FEV: variants seen among roughly 807,000 people sequenced by gnomAD.
The protein encoded by FEV is protein FEV.
Under a neutral mutation model 20.5 loss-of-function variants are expected in FEV, and 14 were observed. That is an observed-to-expected ratio of 0.68 (90% confidence interval 0.45 to 1.07). FEV has a LOEUF of 1.07. FEV is among the 50% of genes least tolerant of loss of function. The probability of loss-of-function intolerance (pLI) is 0.00; values close to 1 mark genes in which losing one functional copy is unlikely to be tolerated. For synonymous variants in FEV, 188 were observed against 163.7 expected, an observed-to-expected ratio of 1.15 and a Z score of -1.13; for missense variants, 301 against 345.3, an observed-to-expected ratio of 0.87 and a Z score of 1.02.
In FEV at chr2:218,982,047, T is replaced by C. The variant is rs748458463; in HGVS notation, c.337A>G (p.Ile113Val). 3 of 1,613,790 alleles carry C rather than the reference T, an allele frequency of 1.9e-6. No individual in the cohort carries two copies. The highest frequency in any genetic ancestry group is 2.5e-6 in the Non-Finnish European group (3 of 1,179,840). Reference sequence around the variant, plus strand: ...CGCTTGCCATGCACCTTGCTCATGATGTTCTTGTCGTAGTAGTAGCGCAGG... The same window carrying C: ...CGCTTGCCATGCACCTTGCTCATGACGTTCTTGTCGTAGTAGTAGCGCAGG... Reference protein sequence around the residue: ...RALRYYYDKNIMSKVHGKRYA... With the variant: ...RALRYYYDKNVMSKVHGKRYA... The change falls in exon 3 of 3, where the codon ATC becomes GTC. Residue 113 changes from isoleucine (I) to valine (V), a missense_variant. Physicochemically the swap from Ile to Val is conservative, Grantham distance 29. Transcript: ENST00000295727.
In FEV at chr2:218,981,710, C is replaced by T; in HGVS notation, c.674G>A (p.Gly225Glu). 1 of 1,341,128 alleles carries T rather than the reference C, an allele frequency of 7.5e-7. No homozygotes were observed. Among genetic ancestry groups the T allele is most frequent in the Non-Finnish European group, 9.5e-7 (1 of 1,052,624 alleles). The allele number at this position is 1,341,128 out of a possible 1,614,324, so 83.1% of individuals were successfully genotyped here. ...PSLQPPPGPF[G>E]AVAAASHLGG... ...CAAGTGCGAGGCTGCGGCCACGGCC[C>T]CGAAGGGCCCGGGCGGGGGCTGCAA... Residue 225 changes from glycine (G) to glutamate (E), a missense_variant, in exon 3 of 3, where the codon GGG (glycine) becomes GAG (glutamate). Physicochemically the swap from Gly to Glu is moderately conservative, Grantham distance 98 (BLOSUM62 -2). Transcript: ENST00000295727. The surrounding 1 kb of genome is among the most constrained non-coding windows in gnomAD (Gnocchi z 4.5).
rs1054935913 is a variant in FEV, at chr2:218,984,430, G to A, written c.53-125C>T. The A allele has an allele frequency of 1.1e-6, 1 of 885,146 alleles. No individual in the cohort carries two copies. The highest frequency in any genetic ancestry group is 1.7e-6 in the Non-Finnish European group (1 of 599,288). 54.8% of individuals were successfully genotyped at this position (885,146 alleles called of 1,614,324 possible). ...CCCAGGCGCGAGGCTGGGGGCCCGG[G>A]CCACCCGGCTCCTCCTCCCGGAGCC... On this transcript the variant is annotated intron_variant, in intron 1 of 2. Coordinates refer to ENST00000295727, the MANE Select transcript of FEV (RefSeq NM_017521.3). This position sits in a 1 kb window ranked among gnomAD's most constrained non-coding sequence, Gnocchi z 5.0.
In FEV at chr2:218,982,141, G is replaced by T; in HGVS notation, c.243C>A (p.Asp81Glu). Residue 81 changes from aspartate to glutamate, a missense_variant, in exon 3 of 3, where the codon GAC becomes GAA. Coordinates refer to ENST00000295727, the MANE Select transcript of FEV (RefSeq NM_017521.3). ...GHGEFKLTDP[D>E]EVARRWGERK... is the part of the protein sequence containing the mutation. ...GCTCGCCCCACCGCCGCGCCACCTCGTCCGGGTCCGTGAGCTTGAACTCGC... is the reference window on the plus strand; with the variant it reads ...GCTCGCCCCACCGCCGCGCCACCTCTTCCGGGTCCGTGAGCTTGAACTCGC... 1 of 1,613,516 alleles carries T rather than the reference G, an allele frequency of 6.2e-7. No individual in the cohort carries two copies. Among genetic ancestry groups the T allele is most frequent in the Non-Finnish European group, 8.5e-7 (1 of 1,179,880 alleles).
Position 218,981,674 on chromosome 2 carries a change from T to C in FEV, c.710A>G (p.Tyr237Cys). ...GGCACCCGACCGCCCCGTCTAGTGG[T>C]AATGGCCCCCCAAGTGCGAGGCTGC... ...VAAASHLGGH[Y>C]H The change falls in exon 3 of 3, where the codon TAC (tyrosine) becomes TGC (cysteine). Residue 237 changes from tyrosine to cysteine, a missense_variant. Transcript: ENST00000295727. This position sits in a 1 kb window ranked among gnomAD's most constrained non-coding sequence, Gnocchi z 4.5. 1 of 1,334,394 alleles carries C rather than the reference T, an allele frequency of 7.5e-7. No homozygotes were observed. Among genetic ancestry groups the C allele is most frequent in the Non-Finnish European group, 9.5e-7 (1 of 1,049,182 alleles). 82.7% of individuals were successfully genotyped at this position (1,334,394 alleles called of 1,614,324 possible). A position where few individuals can be genotyped will look rare whatever the true frequency, so the allele number is the denominator to read the frequency against.
rs898246011 is a variant in FEV, at chr2:218,985,079, C to T, written c.-4G>A. ...GGGAGGCGCCGCTCTGTCTCATCGC[C>T]GCCGGGGACTGGGCGGTGGGAGATG... On this transcript the variant is annotated 5_prime_UTR_variant, in exon 1 of 3. Coordinates refer to ENST00000295727, the MANE Select transcript of FEV (RefSeq NM_017521.3). 2.6e-6 allele frequency: 4 copies of T among 1,550,830 alleles called. No homozygotes were observed. The highest frequency in any genetic ancestry group is 2.6e-6 in the Non-Finnish European group (3 of 1,147,130).
At chr2:218,982,929 A>C (rs896012240) in intron 2 of FEV, among the ~76,000 whole-genome samples, 1 of 152,234 alleles carries the variant, frequency 6.6e-6, no homozygotes, top group Non-Finnish European at 1.5e-5. Flanking sequence ...CAGGAGGGGC[A>C]AGCTCTCATG....
Position 218,984,705 on chromosome 2 carries a change from G to C in FEV, c.52+319C>G, listed in dbSNP as rs973596569. Among the ~76,000 whole-genome samples the C allele has an allele frequency of 6.6e-6, 1 of 152,110 alleles. No homozygotes were observed. The highest frequency in any genetic ancestry group is 2.4e-5 in the African/African-American group (1 of 41,426). ...CCCGCGGACCACAGCCTTCTGGTAC[G>C]GCTCGGCCACAGAGTACTCCACCAC... On this transcript the variant is annotated intron_variant, in intron 1 of 2. Coordinates refer to ENST00000295727, the MANE Select transcript of FEV (RefSeq NM_017521.3). The surrounding 1 kb of genome is among the most constrained non-coding windows in gnomAD (Gnocchi z 5.0).
At position 218,984,964 on chromosome 2, in the gene FEV, T is replaced by A; in HGVS notation, c.52+60A>T. On this transcript the variant is annotated intron_variant, in intron 1 of 2. Coordinates refer to ENST00000295727, the MANE Select transcript of FEV (RefSeq NM_017521.3). The surrounding 1 kb of genome is among the most constrained non-coding windows in gnomAD (Gnocchi z 5.0). ...GACCCCAGCACTCTCTTCCCATGCC[T>A]GAGCCTAGACTTCCCGCCCCAGGTT... 1 of 1,461,862 alleles carries A rather than the reference T, an allele frequency of 6.8e-7. No individual in the cohort carries two copies. Among genetic ancestry groups the A allele is most frequent in the Non-Finnish European group, 9.4e-7 (1 of 1,065,762 alleles). 90.6% of individuals were successfully genotyped at this position (1,461,862 alleles called of 1,614,324 possible). A position where few individuals can be genotyped will look rare whatever the true frequency, so the allele number is the denominator to read the frequency against.
Position 218,984,442 on chromosome 2 carries a change from C to T in FEV, c.53-137G>A, listed in dbSNP as rs1257611007. On this transcript the variant is annotated intron_variant, in intron 1 of 2. Transcript: ENST00000295727. The surrounding 1 kb of genome is among the most constrained non-coding windows in gnomAD (Gnocchi z 5.0). Reference sequence around the variant, plus strand: ...GCTGGGGGCCCGGGCCACCCGGCTCCTCCTCCCGGAGCCTGGTCCAGGCGC... The same window carrying T: ...GCTGGGGGCCCGGGCCACCCGGCTCTTCCTCCCGGAGCCTGGTCCAGGCGC... 1.3e-5 allele frequency: 10 copies of T among 773,946 alleles called. No homozygotes were observed. Among genetic ancestry groups the T allele is most frequent in the Non-Finnish European group, 2.0e-5 (10 of 498,924 alleles). The allele number at this position is 773,946 out of a possible 1,614,324, so 47.9% of individuals were successfully genotyped here. A position where few individuals can be genotyped will look rare whatever the true frequency, so the allele number is the denominator to read the frequency against.
chr2:218,982,168 G>A lies in FEV; in HGVS notation c.216C>T (p.His72=). The part of the protein sequence containing the change: ...NAGCIAWEGG[H]GEFKLTDPDE... ...CCGGGTCCGTGAGCTTGAACTCGCC[G>A]TGACCGCCCTCCCACGCGATGCAGC... is the stretch of plus-strand genomic sequence containing the variant. Residue 72 remains histidine, a synonymous_variant, in exon 3 of 3, where the codon CAC becomes CAT. Transcript: ENST00000295727. 1.9e-6 allele frequency: 3 copies of A among 1,613,014 alleles called. No individual in the cohort carries two copies. Among genetic ancestry groups the A allele is most frequent in the Non-Finnish European group, 2.5e-6 (3 of 1,179,730 alleles).
intron 2 of FEV, among the ~76,000 whole-genome samples, chr2:218,982,939 G>A (rs558104038): frequency 5.3e-5 from 8 of 152,378 alleles, no homozygotes; most frequent in African/African-American, 1.7e-4. Flanking sequence ...AAGCTCTCAT[G>A]GGCTCACTAT....
Position 218,985,110 on chromosome 2 carries a change from G to C in FEV, c.-35C>G, listed in dbSNP as rs1450180696. On this transcript the variant is annotated 5_prime_UTR_variant, in exon 1 of 3. Transcript: ENST00000295727. ...GGACTGGGCGGTGGGAGATGGGGGG[G>C]ACGGGGAAGGGGGGCGAGGCAGGCT... 3 of 1,437,302 alleles carry C rather than the reference G, an allele frequency of 2.1e-6. No homozygotes were observed. The highest frequency in any genetic ancestry group is 2.9e-5 in the African/African-American group (2 of 68,910). 89.0% of individuals were successfully genotyped at this position (1,437,302 alleles called of 1,614,324 possible).
chr2:218,982,791 G>A (rs1574487579), intron 2 of FEV, among the ~76,000 whole-genome samples: 1 of 152,222 alleles, frequency 6.6e-6, no homozygotes, highest in East Asian at 1.9e-4. Flanking sequence ...TGCTGGACAA[G>A]GCCCAGCTAG....
Position 218,984,889 on chromosome 2 carries a change from C to T in FEV, c.52+135G>A. ...TAGGTCTCCCCAGTGCCCTACATTA[C>T]AATCGGCCCTCCATGCAACCCGAAT... On this transcript the variant is annotated intron_variant, in intron 1 of 2. Coordinates refer to ENST00000295727, the MANE Select transcript of FEV (RefSeq NM_017521.3). This position sits in a 1 kb window ranked among gnomAD's most constrained non-coding sequence, Gnocchi z 5.0. The T allele has an allele frequency of 2.5e-6, 2 of 798,464 alleles. No homozygotes were observed. Among genetic ancestry groups the T allele is most frequent in the South Asian group, 1.5e-5 (1 of 65,610 alleles). The allele number at this position is 798,464 out of a possible 1,614,324, so 49.5% of individuals were successfully genotyped here.
At chr2:218,982,299 G>T (rs369350686) in intron 2 of FEV, 43 bp from the exon 3 acceptor site, 46 of 1,497,738 alleles carry the variant, frequency 3.1e-5, no homozygotes, top group Non-Finnish European at 3.8e-5. Flanking sequence ...GAGCGGGGAG[G>T]CGGGAACTGG....
At position 218,985,076 on chromosome 2, in the gene FEV, C is replaced by T; in HGVS notation, c.-1G>A. On this transcript the variant is annotated 5_prime_UTR_variant, in exon 1 of 3. Transcript: ENST00000295727. The stretch of plus-strand genomic sequence containing the variant: ...GCTGGGAGGCGCCGCTCTGTCTCAT[C>T]GCCGCCGGGGACTGGGCGGTGGGAG... 2 of 1,552,914 alleles carry T rather than the reference C, an allele frequency of 1.3e-6. No individual in the cohort carries two copies. Among genetic ancestry groups the T allele is most frequent in the Non-Finnish European group, 1.7e-6 (2 of 1,148,334 alleles).
rs183296906 is a variant in FEV, at chr2:218,982,621, T to A, written c.128-365A>T. ...TTTCCAAGGCGAGCAAGGACAGATA[T>A]CCGCCGCCACTCTCCATCTCAGCCG... On this transcript the variant is annotated intron_variant, in intron 2 of 2. Transcript: ENST00000295727. Among the ~76,000 whole-genome samples, 431 of 152,266 alleles carry A rather than the reference T, an allele frequency of 2.8e-3. 1 individual carries two copies. The highest frequency in any genetic ancestry group is 6.8e-3 in the Middle Eastern group (2 of 294).
chr2:218,981,718 C>T lies in FEV; in HGVS notation c.666G>A (p.Gly222=). 1.5e-6 allele frequency: 2 copies of T among 1,335,072 alleles called. No homozygotes were observed. Among genetic ancestry groups the T allele is most frequent in the African/African-American group, 1.5e-5 (1 of 65,508 alleles). 82.7% of individuals were successfully genotyped at this position (1,335,072 alleles called of 1,614,324 possible). The change falls in exon 3 of 3, where the codon GGG becomes GGA. Residue 222 remains glycine, a synonymous_variant. Coordinates refer to ENST00000295727, the MANE Select transcript of FEV (RefSeq NM_017521.3). This position sits in a 1 kb window ranked among gnomAD's most constrained non-coding sequence, Gnocchi z 4.5. Reference sequence around the variant, plus strand: ...AGGCTGCGGCCACGGCCCCGAAGGGCCCGGGCGGGGGCTGCAAGCTGGGAC... The same window carrying T: ...AGGCTGCGGCCACGGCCCCGAAGGGTCCGGGCGGGGGCTGCAAGCTGGGAC... The part of the protein sequence containing the change: ...YPSPSLQPPP[G]PFGAVAAASH...
Position 218,981,122 on chromosome 2 carries a change from A to G in FEV, c.*545T>C, listed in dbSNP as rs1945380596. ...GAGCTTTAATGGGGCTGAAAGGGTC[A>G]GAAACACACCGGGAGTTTCTCCTGG... On this transcript the variant is annotated 3_prime_UTR_variant, in exon 3 of 3. Transcript: ENST00000295727. This position sits in a 1 kb window ranked among gnomAD's most constrained non-coding sequence, Gnocchi z 4.5. 4.6e-6 allele frequency: 1 copy of G among 216,952 alleles called. No homozygotes were observed. The highest frequency in any genetic ancestry group is 2.3e-5 in the African/African-American group (1 of 44,392). The allele number at this position is 216,952 out of a possible 1,614,324, so 13.4% of individuals were successfully genotyped here. A position where few individuals can be genotyped will look rare whatever the true frequency, so the allele number is the denominator to read the frequency against.
Sources: allele counts gnomAD v4.1 joint callset (sites outside exome capture counted in the v4.1 genomes callset), GRCh38; gene constraint gnomAD v4.1.1; non-coding constraint Gnocchi (gnomAD v3.1); transcripts MANE v1.5; gene names NCBI Gene and HGNC (gene_info 2026-07-23, HGNC 2026-07-21).